The following PRRX2 variants were observed in gnomAD, a reference collection of about 807,000 sequenced individuals.
PRRX2 encodes paired related homeobox 2, also known as paired mesoderm homeobox protein 2.
PRRX2 carries 11 observed loss-of-function variants against 18.0 expected under a neutral mutation model. That is an observed-to-expected ratio of 0.61 (90% CI 0.39 to 1.01). PRRX2 has a LOEUF of 1.01. Ranked by LOEUF, PRRX2 falls within the 50% of genes least tolerant of loss-of-function variation. The probability of loss-of-function intolerance (pLI) is 0.01; values close to 1 mark genes in which losing one functional copy is unlikely to be tolerated. For synonymous variants in PRRX2, 177 were observed against 154.8 expected (o/e 1.14, Z -1.06); for missense variants, 387 against 351.0 (o/e 1.10, Z -0.82).
At chr9:129,691,681 CTTT>C (rs57659621) in intron 1 of PRRX2, among the ~76,000 whole-genome samples, 7 of 141,454 alleles carry the variant, frequency 4.9e-5, no homozygotes, top group Non-Finnish European at 4.6e-5. Flanking sequence ...TTTAAATATA[CTTT>C]TTTTTTTTTT....
At chr9:129,669,769 C>T (rs1276362384) in intron 1 of PRRX2, among the ~76,000 whole-genome samples, 1 of 152,084 alleles carries the variant, frequency 6.6e-6, no homozygotes, top group African/African-American at 2.4e-5. Context: ...GGGCTCAGCT[C>T]AGGGCCTGAG....
chr9:129,711,238 C>G (rs2130930327), intron 1 of PRRX2, among the ~76,000 whole-genome samples: 1 of 152,156 alleles, frequency 6.6e-6, no homozygotes, highest in East Asian at 1.9e-4. Flanking sequence ...GTTCCAATCC[C>G]AGCTCTGGTC....
chr9:129,671,774 A>G lies in PRRX2; in HGVS notation c.259+5648A>G, dbSNP rs977342301. Among the ~76,000 whole-genome samples the G allele has an allele frequency of 5.9e-5, 9 of 152,204 alleles. No homozygotes were observed. The highest frequency in any genetic ancestry group is 1.7e-4 in the African/African-American group (7 of 41,456). On this transcript the variant is annotated intron_variant, in intron 1 of 3. Coordinates refer to ENST00000372469, the MANE Select transcript of PRRX2 (RefSeq NM_016307.4). The surrounding 1 kb of genome is among the most constrained non-coding windows in gnomAD (Gnocchi z 4.0). ...GTCAGAGGCCCAGACAGGCAAAGCA[A>G]CCTGCCCGAGGCCTCACAGCTGGGA...
chr9:129,699,526 A>C (rs1362412540), intron 1 of PRRX2, among the ~76,000 whole-genome samples: 1 of 151,956 alleles, frequency 6.6e-6, no homozygotes, highest in African/African-American at 2.4e-5. Context: ...TCCAGAAGTG[A>C]GAAGGCTTGT....
At chr9:129,714,508 C>T (rs565429436) in intron 1 of PRRX2, among the ~76,000 whole-genome samples, 74 of 152,296 alleles carry the variant, frequency 4.9e-4, no homozygotes, top group African/African-American at 1.7e-3. Context: ...TGGCACCACT[C>T]CTGTCCCAAC....
In PRRX2 at chr9:129,722,286, C is replaced by T. The variant is rs138042846; in HGVS notation, c.696C>T (p.Ile232=). Residue 232 remains isoleucine, a synonymous_variant, in exon 4 of 4, where the codon ATC becomes ATT. Coordinates refer to ENST00000372469, the MANE Select transcript of PRRX2 (RefSeq NM_016307.4). ...CAGGGGTCAACATGGCCAACAGCAT[C>T]GCCAGCCTCCGTCTCAAGGCCAAGG... ...ATPGVNMANS[I]ASLRLKAKEF... is the part of the protein sequence containing the mutation. 4,063 of 1,613,998 alleles carry T rather than the reference C, an allele frequency of 2.5e-3. 172 individuals are homozygous for T. The Admixed American group carries it at 0.063, about 25-fold the overall frequency.
intron 1 of PRRX2, among the ~76,000 whole-genome samples, chr9:129,684,427 AACACAC>A (rs72324782): frequency 0.012 from 1,009 of 82,990 alleles, 11 homozygotes; most frequent in East Asian, 0.071. Flanking sequence ...ACACAGATAC[AACACAC>A]ACACACACAC....
chr9:129,697,322 TCCCCCTCCCCTAGGCCGTG>T (rs1270643029), intron 1 of PRRX2, among the ~76,000 whole-genome samples: 2 of 151,678 alleles, frequency 1.3e-5, no homozygotes, highest in Admixed American at 1.3e-4. Context: ...TGCGTCCCGC[TCCCCCTCCCCTAGGCCGTG>T]CCCCCTCCCG....
At chr9:129,691,123 G>A (rs921292317) in intron 1 of PRRX2, among the ~76,000 whole-genome samples, 2 of 150,748 alleles carry the variant, frequency 1.3e-5, no homozygotes, top group East Asian at 3.9e-4. Context: ...TCAGGAGTTC[G>A]GGACCAGCCT....
At chr9:129,703,782 G>A (rs56232371) in intron 1 of PRRX2, among the ~76,000 whole-genome samples, 21,827 of 152,232 alleles carry the variant, frequency 0.14, 2,086 homozygotes, top group East Asian at 0.36. Context: ...GAGCTTTGCC[G>A]AGCAAGGCTC....
In PRRX2 at chr9:129,719,246, C is replaced by T. The variant is rs777230786; in HGVS notation, c.275C>T (p.Pro92Leu). The T allele has an allele frequency of 6.9e-5, 110 of 1,596,702 alleles. No individual in the cohort carries two copies. The highest frequency in any genetic ancestry group is 8.6e-5 in the Non-Finnish European group (101 of 1,171,730). Reference sequence around the variant, plus strand: ...ACCTCCGCAGGTGAGTGTCCCAGCCCGGGGCGCGGTAGCGCCGCCAAGCGG... The same window carrying T: ...ACCTCCGCAGGTGAGTGTCCCAGCCTGGGGCGCGGTAGCGCCGCCAAGCGG... ...AAPQDGECPS[P>L]GRGSAAKRKK... Residue 92 changes from proline to leucine, a missense_variant, in exon 2 of 4, where the codon CCG (proline) becomes CTG (leucine). Pro to Leu is a moderately conservative substitution (Grantham distance 98, BLOSUM62 -3). Coordinates refer to ENST00000372469, the MANE Select transcript of PRRX2 (RefSeq NM_016307.4).
intron 1 of PRRX2, among the ~76,000 whole-genome samples, chr9:129,672,086 C>G (rs1048413242): frequency 3.3e-5 from 5 of 152,108 alleles, no homozygotes; most frequent in Non-Finnish European, 7.4e-5. Flanking sequence ...TGGGGCACTT[C>G]CGTGGTTTCC....
At position 129,666,012 on chromosome 9, in the gene PRRX2, G is replaced by C; in HGVS notation, c.145G>C (p.Val49Leu). Reference sequence around the variant, plus strand: ...GAGCCACCTCCTGGACCTGGAAGAGGTGGCGGCGGCCGGGCGGCTGGCGGC... The same window carrying C: ...GAGCCACCTCCTGGACCTGGAAGAGCTGGCGGCGGCCGGGCGGCTGGCGGC... ...SVSHLLDLEE[V>L]AAAGRLAARP... The change falls in exon 1 of 4, where the codon GTG becomes CTG. Residue 49 changes from valine to leucine, a missense_variant. Val to Leu is a conservative substitution (Grantham distance 32). Coordinates refer to ENST00000372469, the MANE Select transcript of PRRX2 (RefSeq NM_016307.4). 1.9e-6 allele frequency: 2 copies of C among 1,069,664 alleles called. No homozygotes were observed. The highest frequency in any genetic ancestry group is 2.3e-6 in the Non-Finnish European group (2 of 887,326). The allele number at this position is 1,069,664 out of a possible 1,614,324, so 66.3% of individuals were successfully genotyped here. A position where few individuals can be genotyped will look rare whatever the true frequency, so the allele number is the denominator to read the frequency against.
chr9:129,719,186 C>T, intron 1 of PRRX2, 45 bp from the exon 2 acceptor site: 1 of 1,481,268 alleles, frequency 6.8e-7, no homozygotes, highest in South Asian at 1.4e-5. Flanking sequence ...GTGACTGTAG[C>T]CACTGGCCGT....
intron 1 of PRRX2, among the ~76,000 whole-genome samples, chr9:129,698,379 C>T (rs1832455344): frequency 6.6e-6 from 1 of 152,078 alleles, no homozygotes; most frequent in Non-Finnish European, 1.5e-5. Flanking sequence ...AGTCTGGCTG[C>T]AGAGAAGAGG....
chr9:129,666,124 A>G lies in PRRX2; in HGVS notation c.257A>G (p.Asp86Gly), dbSNP rs1293358907. ...GSSGSEAAPQ[D>G]GECPSPGRGS... ...AGCGGCAGCGAGGCGGCGCCGCAGG[A>G]TGGTGAGTACGGCCGGCCAGGGACG... Residue 86 changes from aspartate (D) to glycine (G), a missense_variant and splice_region_variant, in exon 1 of 4, where the codon GAT (aspartate) becomes GGT (glycine). Asp to Gly is a moderately conservative substitution (Grantham distance 94). Coordinates refer to ENST00000372469, the MANE Select transcript of PRRX2 (RefSeq NM_016307.4). 2.0e-6 allele frequency: 2 copies of G among 1,005,240 alleles called. No individual in the cohort carries two copies. The highest frequency in any genetic ancestry group is 2.4e-6 in the Non-Finnish European group (2 of 847,796). 62.3% of individuals were successfully genotyped at this position (1,005,240 alleles called of 1,614,324 possible). A position where few individuals can be genotyped will look rare whatever the true frequency, so the allele number is the denominator to read the frequency against.
chr9:129,685,744 A>G (rs937798425), intron 1 of PRRX2, among the ~76,000 whole-genome samples: 1 of 152,168 alleles, frequency 6.6e-6, no homozygotes, highest in Non-Finnish European at 1.5e-5. Context: ...GGTATTATGC[A>G]CCCAAAGACT....
intron 1 of PRRX2, among the ~76,000 whole-genome samples, chr9:129,712,671 G>A (rs1241385846): frequency 6.6e-6 from 1 of 152,176 alleles, no homozygotes; most frequent in Non-Finnish European, 1.5e-5. Flanking sequence ...TCCCCCATCT[G>A]AGCTCGTTTC....
At chr9:129,701,426 C>G (rs754124806) in intron 1 of PRRX2, among the ~76,000 whole-genome samples, 30 of 152,204 alleles carry the variant, frequency 2.0e-4, no homozygotes, top group Non-Finnish European at 2.6e-4. Context: ...AGTGGGGACA[C>G]TGAGTCTCAC....
Sources: gnomAD v4.1 joint callset for allele counts (sites outside exome capture counted in the v4.1 genomes callset) on GRCh38, gnomAD v4.1.1 for gene constraint, Gnocchi (gnomAD v3.1) non-coding constraint, MANE v1.5 for transcripts, NCBI Gene and HGNC (gene_info 2026-07-23, HGNC 2026-07-21) for gene names.